The following SGCZ variants were observed in gnomAD, a reference collection of about 807,000 sequenced individuals.
The protein encoded by SGCZ is zeta-sarcoglycan.
SGCZ carries 40 observed loss-of-function variants against 41.3 expected under a neutral mutation model. The ratio of observed to expected loss-of-function variants is 0.97; its 90% CI spans 0.75 to 1.26. The LOEUF is 1.26. Ranked by LOEUF, SGCZ falls within the 50% of genes most tolerant of loss-of-function variation. The pLI, the probability that SGCZ is intolerant of heterozygous loss-of-function variation, is 0.00. For missense variants in SGCZ, 552 were observed against 369.8 expected, an observed-to-expected ratio of 1.49 and a Z score of -4.04; for synonymous variants, 206 against 137.5, an observed-to-expected ratio of 1.50 and a Z score of -3.49.
At chr8:15,162,600 G>C (rs2117044247) in intron 1 of SGCZ, among the ~76,000 whole-genome samples, 1 of 152,292 alleles carries the variant, frequency 6.6e-6, no homozygotes, top group East Asian at 1.9e-4. Context: ...ATCGGCCTTT[G>C]AAATAACAAA....
chr8:14,389,577 C>T (rs926231710), intron 2 of SGCZ, among the ~76,000 whole-genome samples: 1 of 151,356 alleles, frequency 6.6e-6, no homozygotes, highest in African/African-American at 2.4e-5. Context: ...AAACTCTAAT[C>T]AGGGTGAAAA....
chr8:14,755,243 C>A (rs1260461596), intron 1 of SGCZ, among the ~76,000 whole-genome samples: 1 of 151,736 alleles, frequency 6.6e-6, no homozygotes, highest in African/African-American at 2.4e-5. Context: ...TAAAAAAAAA[C>A]AGCATTTGTT....
At chr8:14,966,024 T>A (rs1469905806) in intron 1 of SGCZ, among the ~76,000 whole-genome samples, 1 of 152,074 alleles carries the variant, frequency 6.6e-6, no homozygotes, top group Non-Finnish European at 1.5e-5. Context: ...GCTTTTATTA[T>A]GATGATGTGA....
intron 1 of SGCZ, among the ~76,000 whole-genome samples, chr8:15,102,133 T>A (rs1164362187): frequency 1.3e-5 from 2 of 152,182 alleles, no homozygotes; most frequent in Admixed American, 1.3e-4. Flanking sequence ...GCTTTATTCA[T>A]AATTGCCAAA....
At chr8:14,385,910 G>T (rs1238938508) in intron 2 of SGCZ, among the ~76,000 whole-genome samples, 1 of 152,042 alleles carries the variant, frequency 6.6e-6, no homozygotes, top group Non-Finnish European at 1.5e-5. Context: ...CATAGTATTT[G>T]CAAATAACCT....
At chr8:15,158,330 G>C (rs1015032158) in intron 1 of SGCZ, among the ~76,000 whole-genome samples, 1 of 151,890 alleles carries the variant, frequency 6.6e-6, no homozygotes, top group Admixed American at 6.6e-5. Flanking sequence ...TTTTTTGCTA[G>C]CTATTTGTGG....
At chr8:14,220,883 A>G (rs540651395) in intron 4 of SGCZ, among the ~76,000 whole-genome samples, 19 of 152,302 alleles carry the variant, frequency 1.2e-4, no homozygotes, top group East Asian at 7.7e-4. Context: ...AGGAAATAGC[A>G]TTTCAAAATT....
At chr8:14,690,410 G>C (rs1426489735) in intron 1 of SGCZ, 1 of 152,060 alleles carries the variant, frequency 6.6e-6, no homozygotes, top group Non-Finnish European at 1.5e-5. Flanking sequence ...AAGCTGCTGA[G>C]GGTATTAGGC....
chr8:14,551,548 TATAATATATA>T (rs1803847161), intron 2 of SGCZ, among the ~76,000 whole-genome samples: 1 of 8,722 alleles, frequency 1.1e-4, no homozygotes, highest in Non-Finnish European at 2.0e-4. Context: ...ATATAATATA[TATAATATATA>T]TTATATATAT....
chr8:14,674,586 G>C (rs1221935713), intron 1 of SGCZ, among the ~76,000 whole-genome samples: 2 of 152,046 alleles, frequency 1.3e-5, no homozygotes, highest in Non-Finnish European at 2.9e-5. Flanking sequence ...GATACGGTTT[G>C]GGTTACTTTC....
intron 4 of SGCZ, among the ~76,000 whole-genome samples, chr8:14,201,134 T>G (rs1464787290): frequency 1.3e-5 from 2 of 152,162 alleles, no homozygotes; most frequent in Non-Finnish European, 2.9e-5. Context: ...AGTTTTGCTT[T>G]GGATATAGAA....
intron 1 of SGCZ, among the ~76,000 whole-genome samples, chr8:15,184,658 G>T (rs1024396114): frequency 1.3e-5 from 2 of 152,130 alleles, no homozygotes; most frequent in Non-Finnish European, 2.9e-5. Flanking sequence ...GAGAGCAGGC[G>T]ATTTCTTCAC....
At chr8:14,654,379 G>A (rs372236171) in intron 1 of SGCZ, among the ~76,000 whole-genome samples, 120 of 152,154 alleles carry the variant, frequency 7.9e-4, no homozygotes, top group African/African-American at 2.7e-3. Context: ...CCTATCTGTA[G>A]AGTGGGGAAG....
chr8:14,163,633 A>G (rs112504742), intron 5 of SGCZ, among the ~76,000 whole-genome samples: 1 of 152,196 alleles, frequency 6.6e-6, no homozygotes, highest in Non-Finnish European at 1.5e-5. Context: ...CATTTCAATC[A>G]TTCAGATGAG....
At chr8:14,543,369 C>T (rs4831602) in intron 2 of SGCZ, among the ~76,000 whole-genome samples, 135,014 of 151,980 alleles carry the variant, frequency 0.89, 60,245 homozygotes, top group Middle Eastern at 0.94. Context: ...CATTTCTAAG[C>T]ATCCTGTAAC....
intron 1 of SGCZ, among the ~76,000 whole-genome samples, chr8:14,829,555 A>G (rs1470954073): frequency 6.6e-6 from 1 of 152,234 alleles, no homozygotes; most frequent in African/African-American, 2.4e-5. Context: ...TAACCTTTGA[A>G]CAAGAAATTA....
intron 1 of SGCZ, among the ~76,000 whole-genome samples, chr8:14,965,993 G>GA (rs1385268854): frequency 1.3e-5 from 2 of 151,932 alleles, no homozygotes; most frequent in Non-Finnish European, 2.9e-5. Flanking sequence ...AAGCAGCACT[G>GA]AAAAAAGTAA....
Position 14,151,886 on chromosome 8 carries a change from G to GA in SGCZ, c.547+12693dup, listed in dbSNP as rs549563661. Among the ~76,000 whole-genome samples the GA allele has an allele frequency of 9.9e-5, 15 of 151,488 alleles. No individual in the cohort carries two copies. In the East Asian group the frequency reaches 2.9e-3, roughly 29 times the overall value. ...GCTTGGAACAATGGCATACACAACA[G>GA]AAAAAAGCAAAAAGATTGACTTAAA... is the stretch of plus-strand genomic sequence containing the variant. On this transcript the variant is annotated intron_variant, in intron 5 of 7. Coordinates refer to ENST00000382080, the MANE Select transcript of SGCZ (RefSeq NM_139167.4).
At chr8:14,632,829 G>A (rs1319554057) in intron 1 of SGCZ, among the ~76,000 whole-genome samples, 1 of 151,876 alleles carries the variant, frequency 6.6e-6, no homozygotes, top group African/African-American at 2.4e-5. Flanking sequence ...ACAGCATTCT[G>A]CATAGAGGAA....
Sources: allele counts gnomAD v4.1 joint callset (sites outside exome capture counted in the v4.1 genomes callset), GRCh38; gene constraint gnomAD v4.1.1; transcripts MANE v1.5; gene names NCBI Gene and HGNC (gene_info 2026-07-23, HGNC 2026-07-21).